LETMD1: variants seen among roughly 807,000 people sequenced by gnomAD.
LETMD1 encodes LETM1 domain containing 1.
A neutral mutation model predicts 43.9 loss-of-function variants in LETMD1; 30 were observed. The observed-to-expected ratio is 0.68, with a 90% confidence interval of 0.51 to 0.93. The LOEUF (loss-of-function observed/expected upper bound fraction) is 0.93, where lower values mean the gene tolerates loss of function less well. Among genes scored for constraint, LETMD1 ranks in the 40% least tolerant of loss-of-function variants. The probability of loss-of-function intolerance (pLI) is 0.00; values close to 1 mark genes in which losing one functional copy is unlikely to be tolerated. For synonymous variants in LETMD1, 176 were observed against 163.1 expected, an observed-to-expected ratio of 1.08 and a Z score of -0.60; for missense variants, 413 against 447.7, an observed-to-expected ratio of 0.92 and a Z score of 0.70.
rs769626749 is a variant in LETMD1 at position 51,058,110 on chromosome 12, A to G, written c.994A>G (p.Ile332Val). 3.7e-6 allele frequency: 6 copies of G among 1,605,680 alleles called. No individual in the cohort carries two copies. Among genetic ancestry groups the G allele is most frequent in the Non-Finnish European group, 5.1e-6 (6 of 1,172,428 alleles). The part of the protein sequence containing the change: ...CRTWLGEWLQ[I>V]SCSLKEAELS... ...AACTTGGCTGGGAGAATGGCTGCAG[A>G]TTTCCTGCAGCCTGAAAGGTAAAAC... The change falls in exon 8 of 9, where the codon ATT becomes GTT. Residue 332 changes from isoleucine to valine, a missense_variant. Ile to Val is a conservative substitution (Grantham distance 29). Transcript: ENST00000262055.
chr12:51,065,372 A>G (rs1938059836), downstream of LETMD1, among the ~76,000 whole-genome samples: 1 of 152,242 alleles, frequency 6.6e-6, no homozygotes, highest in African/African-American at 2.4e-5. Flanking sequence ...TCATATTCCA[A>G]CAGGAAAAAC....
chr12:51,063,657 G>T, downstream of LETMD1: 1 of 1,024,120 alleles, frequency 9.8e-7, no homozygotes, highest in South Asian at 2.1e-5. Context: ...GGGAGCAGCA[G>T]CTGCTTCTAC....
At chr12:51,055,154 G>A (rs780303296) in intron 4 of LETMD1, among the ~76,000 whole-genome samples, 57 of 152,130 alleles carry the variant, frequency 3.7e-4, no homozygotes, top group Non-Finnish European at 6.9e-4. Context: ...CATAAGGACT[G>A]TGCTATAGTT....
chr12:51,064,134 C>G, downstream of LETMD1: 2 of 1,614,186 alleles, frequency 1.2e-6, no homozygotes, highest in Non-Finnish European at 1.7e-6. Context: ...GACCAGGGGC[C>G]CACTGTTCAA....
downstream of LETMD1, chr12:51,061,647 TAAG>T (rs1392580333): frequency 1.3e-5 from 2 of 152,466 alleles, no homozygotes; most frequent in African/African-American, 4.8e-5. Flanking sequence ...GGACTTAAAT[TAAG>T]AAACTACAGG....
At chr12:51,061,341 C>T (rs548371527), downstream of LETMD1, 2 of 152,682 alleles carry the variant, frequency 1.3e-5, no homozygotes, top group South Asian at 4.1e-4. Flanking sequence ...GAAAATACTA[C>T]CTGTGTACAG....
downstream of LETMD1, chr12:51,063,669 G>T: frequency 8.6e-7 from 1 of 1,156,532 alleles, no homozygotes; most frequent in Non-Finnish European, 1.2e-6. Context: ...TGCTTCTACA[G>T]TTTTGTTTTG....
chr12:51,049,278 G>A, intron 2 of LETMD1, 93 bp downstream of exon 2: 1 of 1,126,466 alleles, frequency 8.9e-7, no homozygotes, highest in Non-Finnish European at 1.3e-6. Flanking sequence ...GTTCTGCTAT[G>A]GGGATGTGAG....
At position 51,049,146 on chromosome 12, in the gene LETMD1, T is replaced by A. The variant is rs781300342; in HGVS notation, c.235T>A (p.Phe79Ile). 6.2e-7 allele frequency: 1 copy of A among 1,614,080 alleles called. No individual in the cohort carries two copies. Among genetic ancestry groups the A allele is most frequent in the Non-Finnish European group, 8.5e-7 (1 of 1,179,968 alleles). The change falls in exon 2 of 9, where the codon TTC becomes ATC. Residue 79 changes from phenylalanine (F) to isoleucine (I), a missense_variant. Transcript: ENST00000262055. ...GKYHRFLGRH[F>I]PRFYVLYTIF... ...ATACCATCGTTTCTTGGGTCGTCATTTCCCCCGCTTCTATGTCCTGTACAC... is the reference window on the plus strand; with the variant it reads ...ATACCATCGTTTCTTGGGTCGTCATATCCCCCGCTTCTATGTCCTGTACAC...
intron 8 of LETMD1, chr12:51,059,138 C>T: frequency 1.9e-6 from 1 of 518,142 alleles, no homozygotes; most frequent in South Asian, 2.1e-5. Context: ...TTTTCTACTG[C>T]AATCACATGA....
In LETMD1 at chr12:51,056,259, G is replaced by T; in HGVS notation, c.762+14G>T. ...GCTTTGCACGTGGTGAGCACTTTGA[G>T]GGCTTCTCTTTTCCATAGCATCACC... On this transcript the variant is annotated intron_variant, in intron 6 of 8. Transcript: ENST00000262055. 1 of 1,614,014 alleles carries T rather than the reference G, an allele frequency of 6.2e-7. No homozygotes were observed. Among genetic ancestry groups the T allele is most frequent in the African/African-American group, 1.3e-5 (1 of 75,062 alleles).
chr12:51,051,985 G>A lies in LETMD1; in HGVS notation c.275-107G>A, dbSNP rs377361863. On this transcript the variant is annotated intron_variant, in intron 2 of 8. Transcript: ENST00000262055. ...CTAGTTTAAAGCTTTGAGTATCGTT[G>A]GGGAGGGGTGAGAGTGTTTGCATGT... 3.3e-6 allele frequency: 3 copies of A among 913,690 alleles called. No homozygotes were observed. In the East Asian group the frequency reaches 7.7e-5, roughly 24 times the overall value. The allele number at this position is 913,690 out of a possible 1,614,324, so 56.6% of individuals were successfully genotyped here.
the LETMD1 span, among the ~76,000 whole-genome samples, chr12:51,067,045 G>C: frequency 6.6e-6 from 1 of 152,046 alleles, no homozygotes; most frequent in Non-Finnish European, 1.5e-5. The surrounding 1 kb of genome is among the most constrained non-coding windows in gnomAD (Gnocchi z 4.1). Flanking sequence ...GCCCAGGCTG[G>C]TCTCGAACTC....
At chr12:51,054,839 G>A (rs1291311923) in intron 4 of LETMD1, among the ~76,000 whole-genome samples, 4 of 152,182 alleles carry the variant, frequency 2.6e-5, no homozygotes, top group Non-Finnish European at 5.9e-5. Context: ...AGTGGCTCAC[G>A]CCTGTAATCC....
In LETMD1 at chr12:51,055,824, TCTC is replaced by T. The variant is rs759862390; in HGVS notation, c.474-8_474-6del. On this transcript the variant is annotated splice_polypyrimidine_tract_variant and splice_region_variant and intron_variant, in intron 4 of 8. Coordinates refer to ENST00000262055, the MANE Select transcript of LETMD1 (RefSeq NM_015416.5). ...TTCAGCAAGTGAGTTTGTGATTCTTTCTCCTTTCAGGTACCTGTTTCCCAGGCA... is the reference window on the plus strand; with the variant it reads ...TTCAGCAAGTGAGTTTGTGATTCTTTCTTTCAGGTACCTGTTTCCCAGGCA... 1.9e-6 allele frequency: 3 copies of T among 1,577,138 alleles called. No individual in the cohort carries two copies. The East Asian group carries it at 6.7e-5, about 35-fold the overall frequency.
chr12:51,067,876 C>G, the LETMD1 span: 1 of 1,614,216 alleles, frequency 6.2e-7, no homozygotes, highest in Admixed American at 1.7e-5. This position sits in a 1 kb window ranked among gnomAD's most constrained non-coding sequence, Gnocchi z 4.1. Context: ...TAATCATCCA[C>G]CTCCACATTT....
At chr12:51,064,524 C>T, downstream of LETMD1, 1 of 1,613,212 alleles carries the variant, frequency 6.2e-7, no homozygotes, top group East Asian at 2.2e-5. Context: ...TGCTGGGCGG[C>T]TCACCTGCCG....
chr12:51,050,984 G>C (rs1337541597), intron 2 of LETMD1, among the ~76,000 whole-genome samples: 1 of 151,060 alleles, frequency 6.6e-6, no homozygotes, highest in African/African-American at 2.4e-5. Flanking sequence ...TTGCACTCCA[G>C]CCTGGGCAAC....
At chr12:51,059,340 C>T (rs1416953426) in intron 8 of LETMD1, 21 bp from the exon 9 acceptor site, 2 of 1,612,186 alleles carry the variant, frequency 1.2e-6, no homozygotes, top group Admixed American at 1.7e-5. Flanking sequence ...CCAAGCCAAA[C>T]CACTAACACT....
Sources: gnomAD v4.1 joint callset for allele counts (sites outside exome capture counted in the v4.1 genomes callset) on GRCh38, gnomAD v4.1.1 for gene constraint, Gnocchi (gnomAD v3.1) non-coding constraint, MANE v1.5 for transcripts, NCBI Gene and HGNC (gene_info 2026-07-23, HGNC 2026-07-21) for gene names.